Variants in BIN3 observed in about 807,000 individuals in gnomAD.
The protein encoded by BIN3 is bridging integrator 3.
Under a neutral mutation model 38.2 loss-of-function variants are expected in BIN3, and 41 were observed. The ratio of observed to expected loss-of-function variants is 1.07; its 90% confidence interval spans 0.84 to 1.39. The LOEUF is 1.39. Ranked by LOEUF, BIN3 falls within the 40% of genes most tolerant of loss-of-function variation. The pLI is 0.00. For missense variants in BIN3, 361 were observed against 324.3 expected (o/e 1.11, Z -0.87); for synonymous variants, 145 against 122.6 (o/e 1.18, Z -1.21).
intron 5 of BIN3, 117 bp downstream of exon 5, chr8:22,630,325 G>C: frequency 7.1e-7 from 1 of 1,404,866 alleles, no homozygotes; most frequent in Non-Finnish European, 9.7e-7. Flanking sequence ...CACGAGGCCA[G>C]AGGGCTTAGA....
chr8:22,666,336 T>G, intron 1 of BIN3, among the ~76,000 whole-genome samples: 3 of 109,984 alleles, frequency 2.7e-5, no homozygotes, highest in South Asian at 3.3e-4. Context: ...GAGACAGAAA[T>G]AGGGAGGGAG....
At chr8:22,634,637 G>A (rs1328135321) in intron 4 of BIN3, 3 of 427,992 alleles carry the variant, frequency 7.0e-6, no homozygotes, top group South Asian at 3.4e-5. Context: ...AGTCCCACCC[G>A]TAGGTGCCCA....
chr8:22,667,752 G>A (rs550441053), intron 1 of BIN3, among the ~76,000 whole-genome samples: 2 of 152,318 alleles, frequency 1.3e-5, no homozygotes, highest in South Asian at 4.1e-4. Flanking sequence ...CATTGCTTCA[G>A]GCTTTCCTCC....
chr8:22,627,652 A>C (rs1400232315), intron 6 of BIN3, among the ~76,000 whole-genome samples: 1 of 151,202 alleles, frequency 6.6e-6, no homozygotes, highest in East Asian at 2.0e-4. Flanking sequence ...AGCGCACTTC[A>C]CCCCTCCTCT....
chr8:22,642,253 C>A (rs1474959653), intron 2 of BIN3, among the ~76,000 whole-genome samples: 1 of 146,156 alleles, frequency 6.8e-6, no homozygotes, highest in Non-Finnish European at 1.5e-5. Flanking sequence ...TGGGCAAGAA[C>A]AACAGAGTGC....
rs559853890 is a variant in BIN3, at chr8:22,623,590, C to T, written c.615+325G>A. ...TCGGCACCACCCTGGGCCAAGAAAC[C>T]GCCCACTTGAGGGTGCGGGGCAGAG... On this transcript the variant is annotated intron_variant, in intron 8 of 8. Coordinates refer to ENST00000276416, the MANE Select transcript of BIN3 (RefSeq NM_018688.6). Among the ~76,000 whole-genome samples the T allele has an allele frequency of 7.5e-4, 114 of 152,284 alleles. 3 individuals carry two copies. The highest frequency in any genetic ancestry group is 7.3e-3 in the Admixed American group (111 of 15,298).
chr8:22,658,062 C>A (rs892490075), intron 1 of BIN3, among the ~76,000 whole-genome samples: 6 of 152,228 alleles, frequency 3.9e-5, no homozygotes, highest in African/African-American at 1.4e-4. Context: ...AAGGCTTGCT[C>A]CCCAGAGCGT....
chr8:22,628,659 T>G (rs143017696), intron 6 of BIN3, among the ~76,000 whole-genome samples: 246 of 152,306 alleles, frequency 1.6e-3, no homozygotes, highest in African/African-American at 5.7e-3. Flanking sequence ...GAAACTGAGG[T>G]GGGAGTCAGT....
At chr8:22,624,690 G>T (rs1801952732) in intron 6 of BIN3, 1 of 276,258 alleles carries the variant, frequency 3.6e-6, no homozygotes, top group Non-Finnish European at 6.8e-6. Flanking sequence ...GCACAGGGTG[G>T]CCCAGGAATG....
chr8:22,624,113 G>C, intron 7 of BIN3, 64 bp from the exon 8 acceptor site: 1 of 1,592,162 alleles, frequency 6.3e-7, no homozygotes, highest in South Asian at 1.1e-5. Flanking sequence ...GGGATGGGTG[G>C]GGTGGGGACG....
chr8:22,650,310 C>G (rs1218480143), intron 1 of BIN3, among the ~76,000 whole-genome samples: 1 of 152,334 alleles, frequency 6.6e-6, no homozygotes, highest in Non-Finnish European at 1.5e-5. Context: ...TTACTAACCA[C>G]ACTTTGGTTT....
intron 5 of BIN3, 85 bp from the exon 6 acceptor site, chr8:22,630,089 T>TAGGAAGTCTAAAGGGCC: frequency 7.3e-7 from 1 of 1,374,728 alleles, no homozygotes; most frequent in Non-Finnish European, 1.0e-6. Flanking sequence ...ACCAAAGGGC[T>TAGGAAGTCTAAAGGGCC]AGGAAGTCTA....
intron 2 of BIN3, among the ~76,000 whole-genome samples, chr8:22,642,859 T>C (rs1040459850): frequency 2.0e-5 from 3 of 152,136 alleles, no homozygotes; most frequent in Non-Finnish European, 2.9e-5. Flanking sequence ...GCAGATGCCA[T>C]AATCAGAGGA....
intron 2 of BIN3, among the ~76,000 whole-genome samples, chr8:22,641,604 C>T (rs1282148487): frequency 6.6e-6 from 1 of 152,128 alleles, no homozygotes; most frequent in Non-Finnish European, 1.5e-5. Flanking sequence ...AAGTGGGCTC[C>T]CTGTAGGTAT....
At position 22,620,877 on chromosome 8, in the gene BIN3, C is replaced by T. The variant is rs1801769884; in HGVS notation, c.*545G>A. 1 of 152,556 alleles carries T rather than the reference C, an allele frequency of 6.6e-6. No homozygotes were observed. Among genetic ancestry groups the T allele is most frequent in the African/African-American group, 2.4e-5 (1 of 41,458 alleles). 9.5% of individuals were successfully genotyped at this position (152,556 alleles called of 1,614,324 possible). On this transcript the variant is annotated 3_prime_UTR_variant, in exon 9 of 9. Transcript: ENST00000276416. ...CCTCAGTGACCTCGGGAACCCCAAC[C>T]ACTTAGGTCCCAAAGCCACAAGGGT...
intron 1 of BIN3, among the ~76,000 whole-genome samples, chr8:22,648,110 G>A (rs1802769340): frequency 6.8e-6 from 1 of 147,098 alleles, no homozygotes; most frequent in Non-Finnish European, 1.5e-5. Flanking sequence ...ACTCCAGCCT[G>A]CGCGACAGAG....
intron 1 of BIN3, among the ~76,000 whole-genome samples, chr8:22,645,557 A>G (rs568604023): frequency 2.7e-4 from 39 of 144,472 alleles, no homozygotes; most frequent in Non-Finnish European, 4.9e-4. Context: ...AAAGGAAAGG[A>G]AAGGGGAAGA....
chr8:22,637,081 G>A (rs1802391534), intron 2 of BIN3, 119 bp from the exon 3 acceptor site: 2 of 841,430 alleles, frequency 2.4e-6, no homozygotes, highest in East Asian at 5.2e-5. Flanking sequence ...ACATGGTCCA[G>A]TTCACACAAG....
In BIN3 at chr8:22,623,911, T is replaced by A. The variant is rs1017089394; in HGVS notation, c.615+4A>T. Reference sequence around the variant, plus strand: ...CCCAGGGGAAGAGCACCTGGCGGCCTCACCTGAGCTCGGATGAGGGACTCA... The same window carrying A: ...CCCAGGGGAAGAGCACCTGGCGGCCACACCTGAGCTCGGATGAGGGACTCA... On this transcript the variant is annotated splice_donor_region_variant and intron_variant, in intron 8 of 8. Transcript: ENST00000276416. 2 of 1,611,118 alleles carry A rather than the reference T, an allele frequency of 1.2e-6. No homozygotes were observed. Among genetic ancestry groups the A allele is most frequent in the Non-Finnish European group, 1.7e-6 (2 of 1,179,080 alleles).
Sources: gnomAD v4.1 joint callset for allele counts (sites outside exome capture counted in the v4.1 genomes callset) on GRCh38, gnomAD v4.1.1 for gene constraint, MANE v1.5 for transcripts, NCBI Gene and HGNC (gene_info 2026-07-23, HGNC 2026-07-21) for gene names.